The following AGPAT4 variants were observed in gnomAD, a reference collection of about 807,000 sequenced individuals.
The protein encoded by AGPAT4 is 1-acylglycerol-3-phosphate O-acyltransferase 4.
A neutral mutation model predicts 48.0 loss-of-function variants in AGPAT4; 15 were observed. That is an observed-to-expected ratio of 0.31 (90% CI 0.21 to 0.48). The LOEUF is 0.48. Among genes scored for constraint, AGPAT4 ranks in the 20% least tolerant of loss-of-function variants. The pLI, the probability that AGPAT4 is intolerant of heterozygous loss-of-function variation, is 0.99. For missense variants in AGPAT4, 314 were observed against 482.5 expected, an observed-to-expected ratio of 0.65 and a Z score of 3.27; for synonymous variants, 178 against 198.7, an observed-to-expected ratio of 0.90 and a Z score of 0.88.
At chr6:161,170,026 GCT>G (rs1460672314) in intron 2 of AGPAT4, among the ~76,000 whole-genome samples, 1 of 152,162 alleles carries the variant, frequency 6.6e-6, no homozygotes, top group Non-Finnish European at 1.5e-5. Context: ...GTTGTATTTT[GCT>G]CTGTGACCAA....
In AGPAT4 at chr6:161,143,111, T is replaced by C. The variant is rs188049562; in HGVS notation, c.843+3413A>G. Among the ~76,000 whole-genome samples the C allele has an allele frequency of 1.8e-4, 27 of 152,342 alleles. No homozygotes were observed. In the East Asian group the frequency reaches 4.8e-3, roughly 27 times the overall value. ...CTTTAGAGACAGGGTCTTGCTCTGC[T>C]GCCCAGGCTGGAGTGCAGTGGTGCA... On this transcript the variant is annotated intron_variant, in intron 7 of 8. Transcript: ENST00000320285. This position sits in a 1 kb window ranked among gnomAD's most constrained non-coding sequence, Gnocchi z 4.7.
At position 161,140,952 on chromosome 6, in the gene AGPAT4, G is replaced by A. The variant is rs941049124; in HGVS notation, c.844-1332C>T. ...TAATGTCCCAGTTCTCTAAGGAGTCGAGTTTTCTGGAAAATGAGCTTCCTT... is the reference window on the plus strand; with the variant it reads ...TAATGTCCCAGTTCTCTAAGGAGTCAAGTTTTCTGGAAAATGAGCTTCCTT... On this transcript the variant is annotated intron_variant, in intron 7 of 8. Transcript: ENST00000320285. This position sits in a 1 kb window ranked among gnomAD's most constrained non-coding sequence, Gnocchi z 6.5. Among the ~76,000 whole-genome samples, 5 of 152,178 alleles carry A rather than the reference G, an allele frequency of 3.3e-5. No homozygotes were observed. Among genetic ancestry groups the A allele is most frequent in the South Asian group, 2.1e-4 (1 of 4,832 alleles).
intron 2 of AGPAT4, among the ~76,000 whole-genome samples, chr6:161,186,082 A>C (rs1414925711): frequency 6.6e-6 from 1 of 152,088 alleles, no homozygotes; most frequent in Non-Finnish European, 1.5e-5. Flanking sequence ...GGAAAGTCTC[A>C]TTGCCTACTC....
rs1782800726 is a variant in AGPAT4, at chr6:161,251,433, C to T, written c.-89-19131G>A. ...AGCTGACAGCTAGAGTGTTAAGTGACCTGCCTGTCACTCAGCTGGTCAGAA... is the reference window on the plus strand; with the variant it reads ...AGCTGACAGCTAGAGTGTTAAGTGATCTGCCTGTCACTCAGCTGGTCAGAA... On this transcript the variant is annotated intron_variant, in intron 1 of 8. Transcript: ENST00000320285. The surrounding 1 kb of genome is among the most constrained non-coding windows in gnomAD (Gnocchi z 4.6). Among the ~76,000 whole-genome samples, 1 of 152,194 alleles carries T rather than the reference C, an allele frequency of 6.6e-6. No individual in the cohort carries two copies. Among genetic ancestry groups the T allele is most frequent in the Non-Finnish European group, 1.5e-5 (1 of 68,038 alleles).
At chr6:161,213,941 T>C (rs1421776218) in intron 2 of AGPAT4, among the ~76,000 whole-genome samples, 1 of 152,068 alleles carries the variant, frequency 6.6e-6, no homozygotes, top group Admixed American at 6.5e-5. Context: ...TGTTGGGGAA[T>C]GTGAAAGGAA....
At position 161,166,798 on chromosome 6, in the gene AGPAT4, T is replaced by C. The variant is rs1780113640; in HGVS notation, c.179-381A>G. Among the ~76,000 whole-genome samples, 1 of 152,098 alleles carries C rather than the reference T, an allele frequency of 6.6e-6. No individual in the cohort carries two copies. Among genetic ancestry groups the C allele is most frequent in the African/African-American group, 2.4e-5 (1 of 41,394 alleles). ...TCTTAATATCCTGGAAAATGACTAA[T>C]TGGGATACTTATAAACTCCATCAAA... On this transcript the variant is annotated intron_variant, in intron 2 of 8. Transcript: ENST00000320285. The surrounding 1 kb of genome is among the most constrained non-coding windows in gnomAD (Gnocchi z 6.7).
chr6:161,191,138 C>T (rs1461048026), intron 2 of AGPAT4, among the ~76,000 whole-genome samples: 1 of 152,154 alleles, frequency 6.6e-6, no homozygotes, highest in African/African-American at 2.4e-5. Context: ...CACCTAGTGA[C>T]AAATGGTTTA....
At position 161,253,149 on chromosome 6, in the gene AGPAT4, G is replaced by T. The variant is rs192265224; in HGVS notation, c.-90+20789C>A. On this transcript the variant is annotated intron_variant, in intron 1 of 8. Transcript: ENST00000320285. ...AATCTCTTGAACCCCGGAGGTGGAGGTTGCAGTGAGCCAAGATTAAGCCAC... is the reference window on the plus strand; with the variant it reads ...AATCTCTTGAACCCCGGAGGTGGAGTTTGCAGTGAGCCAAGATTAAGCCAC... Among the ~76,000 whole-genome samples the T allele has an allele frequency of 6.0e-3, 911 of 151,064 alleles. 6 individuals carry two copies. The highest frequency in any genetic ancestry group is 0.014 in the Middle Eastern group (4 of 286).
chr6:161,212,115 A>G lies in AGPAT4; in HGVS notation c.178+19921T>C, dbSNP rs1252766993. ...CAAAGTTTTCTTGAAGCATTAACTG[A>G]CTCCTCAGTAAATGTTATAAAGGTT... On this transcript the variant is annotated intron_variant, in intron 2 of 8. Transcript: ENST00000320285. The surrounding 1 kb of genome is among the most constrained non-coding windows in gnomAD (Gnocchi z 6.1). Among the ~76,000 whole-genome samples, 1 of 152,026 alleles carries G rather than the reference A, an allele frequency of 6.6e-6. No homozygotes were observed. The highest frequency in any genetic ancestry group is 1.9e-4 in the East Asian group (1 of 5,198).
chr6:161,172,996 C>A (rs1383502205), intron 2 of AGPAT4, among the ~76,000 whole-genome samples: 1 of 152,196 alleles, frequency 6.6e-6, no homozygotes, highest in Non-Finnish European at 1.5e-5. Context: ...TGGCTGCATA[C>A]TATTCCATGG....
intron 1 of AGPAT4, among the ~76,000 whole-genome samples, chr6:161,253,636 T>C (rs538093768): frequency 6.8e-6 from 1 of 146,994 alleles, no homozygotes; most frequent in Non-Finnish European, 1.5e-5. Flanking sequence ...TTATTTGTAA[T>C]ATAAATAAAT....
rs1228334357 is a variant in AGPAT4, at chr6:161,130,689, C to T, written c.*5851G>A. 2.5e-5 allele frequency: 8 copies of T among 317,142 alleles called. No homozygotes were observed. Among genetic ancestry groups the T allele is most frequent in the South Asian group, 1.6e-4 (6 of 37,198 alleles). 19.6% of individuals were successfully genotyped at this position (317,142 alleles called of 1,614,324 possible). ...CCCGTGAACATCTGTTGACTGTGGG[C>T]GGCCTGGGCCAGCCTTGCTGTGTTT... is the stretch of plus-strand genomic sequence containing the variant. On this transcript the variant is annotated 3_prime_UTR_variant, in exon 9 of 9. Transcript: ENST00000320285.
intron 2 of AGPAT4, among the ~76,000 whole-genome samples, chr6:161,224,595 T>C (rs1050355968): frequency 3.4e-5 from 5 of 146,334 alleles, no homozygotes; most frequent in African/African-American, 1.3e-4. Context: ...TGAACCGAGA[T>C]TGGCCACTGC....
chr6:161,156,862 A>C (rs1779781796), intron 3 of AGPAT4, among the ~76,000 whole-genome samples: 1 of 152,250 alleles, frequency 6.6e-6, no homozygotes, highest in Admixed American at 6.5e-5. Context: ...TCTGTGCCTT[A>C]AGGACATGCT....
In AGPAT4 at chr6:161,222,364, GATA is replaced by G. The variant is rs373530230; in HGVS notation, c.178+9669_178+9671del. ...CATTGTGTAAAATATAAGACATCCA[GATA>G]ATAAGACAATTTTCTAAAATCATCT... On this transcript the variant is annotated intron_variant, in intron 2 of 8. Transcript: ENST00000320285. This position sits in a 1 kb window ranked among gnomAD's most constrained non-coding sequence, Gnocchi z 5.9. Among the ~76,000 whole-genome samples the G allele has an allele frequency of 3.6e-3, 553 of 152,208 alleles. 3 individuals are homozygous for G. The highest frequency in any genetic ancestry group is 0.013 in the African/African-American group (531 of 41,542).
At chr6:161,176,312 G>A (rs1304840018) in intron 2 of AGPAT4, among the ~76,000 whole-genome samples, 2 of 152,140 alleles carry the variant, frequency 1.3e-5, no homozygotes, top group Non-Finnish European at 2.9e-5. Flanking sequence ...TTATGAATCT[G>A]GGTGCTCCTG....
chr6:161,266,658 C>G lies in AGPAT4; in HGVS notation c.-90+7280G>C, dbSNP rs1012007203. Among the ~76,000 whole-genome samples the G allele has an allele frequency of 1.3e-5, 2 of 152,130 alleles. No homozygotes were observed. Among genetic ancestry groups the G allele is most frequent in the East Asian group, 3.9e-4 (2 of 5,180 alleles). Reference sequence around the variant, plus strand: ...CTCACCATCCGCCTTGCAACCTGCCCTTCCCCCAGCAGAAAAGAGACAAGA... The same window carrying G: ...CTCACCATCCGCCTTGCAACCTGCCGTTCCCCCAGCAGAAAAGAGACAAGA... On this transcript the variant is annotated intron_variant, in intron 1 of 8. Transcript: ENST00000320285. The surrounding 1 kb of genome is among the most constrained non-coding windows in gnomAD (Gnocchi z 6.2).
chr6:161,201,784 G>A lies in AGPAT4; in HGVS notation c.178+30252C>T, dbSNP rs1262619772. 6.6e-6 allele frequency among the ~76,000 whole-genome samples: 1 copy of A among 152,162 alleles called. No homozygotes were observed. The highest frequency in any genetic ancestry group is 1.5e-5 in the Non-Finnish European group (1 of 68,032). On this transcript the variant is annotated intron_variant, in intron 2 of 8. Coordinates refer to ENST00000320285, the MANE Select transcript of AGPAT4 (RefSeq NM_020133.3). The surrounding 1 kb of genome is among the most constrained non-coding windows in gnomAD (Gnocchi z 6.0). ...TGCTCTCAGCTCTTAAGATACATTGGCTCTCTTCATTCTCTAACCAGTGCA... is the reference window on the plus strand; with the variant it reads ...TGCTCTCAGCTCTTAAGATACATTGACTCTCTTCATTCTCTAACCAGTGCA...
intron 7 of AGPAT4, among the ~76,000 whole-genome samples, chr6:161,145,016 C>T (rs1779377344): frequency 6.6e-6 from 1 of 151,612 alleles, no homozygotes; most frequent in Non-Finnish European, 1.5e-5. Flanking sequence ...ATTTTATATG[C>T]TGCCTCAATG....
Sources: gnomAD v4.1 joint callset for allele counts (sites outside exome capture counted in the v4.1 genomes callset) on GRCh38, gnomAD v4.1.1 for gene constraint, Gnocchi (gnomAD v3.1) non-coding constraint, MANE v1.5 for transcripts, NCBI Gene and HGNC (gene_info 2026-07-23, HGNC 2026-07-21) for gene names.